HS6ST3: variants seen among roughly 807,000 people sequenced by gnomAD.
The protein encoded by HS6ST3 is heparan sulfate 6-O-sulfotransferase 3.
Under a neutral mutation model 36.7 loss-of-function variants are expected in HS6ST3, and 12 were observed. The observed-to-expected ratio is 0.33, with a 90% CI of 0.21 to 0.53. The LOEUF (loss-of-function observed/expected upper bound fraction) is 0.53. Ranked by LOEUF, HS6ST3 falls within the 20% of genes least tolerant of loss-of-function variation. HS6ST3 has a pLI of 0.95. For synonymous variants in HS6ST3, 240 were observed against 257.5 expected (o/e 0.93, Z 0.65); for missense variants, 584 against 640.9 (o/e 0.91, Z 0.96).
intron 1 of HS6ST3, among the ~76,000 whole-genome samples, chr13:96,331,554 G>A (rs1361588493): frequency 1.3e-5 from 2 of 151,840 alleles, no homozygotes; most frequent in Admixed American, 6.6e-5. Flanking sequence ...ATCTCCAGCT[G>A]CGTGCTGGGA....
In HS6ST3 at chr13:96,666,774, A is replaced by G. The variant is rs565290319; in HGVS notation, c.708-165716A>G. 2.6e-5 allele frequency among the ~76,000 whole-genome samples: 4 copies of G among 152,272 alleles called. No individual in the cohort carries two copies. The East Asian group carries it at 7.7e-4, about 29-fold the overall frequency. On this transcript the variant is annotated intron_variant, in intron 1 of 1. Coordinates refer to ENST00000376705, the MANE Select transcript of HS6ST3 (RefSeq NM_153456.4). Reference sequence around the variant, plus strand: ...CTTCTTTATAAAATAGTTATATTTTATGCCTTCATGAAAATAACTAAATGA... The same window carrying G: ...CTTCTTTATAAAATAGTTATATTTTGTGCCTTCATGAAAATAACTAAATGA...
At chr13:96,431,724 C>A (rs1286066231) in intron 1 of HS6ST3, among the ~76,000 whole-genome samples, 1 of 152,188 alleles carries the variant, frequency 6.6e-6, no homozygotes, top group Non-Finnish European at 1.5e-5. Flanking sequence ...CCCACAAGAA[C>A]AAGCGATGGT....
chr13:96,294,013 C>T (rs752044515), intron 1 of HS6ST3, among the ~76,000 whole-genome samples: 3 of 151,872 alleles, frequency 2.0e-5, no homozygotes, highest in Non-Finnish European at 2.9e-5. Context: ...CTTAGGGAGC[C>T]GATAATAGGA....
rs1389347342 is a variant in HS6ST3, at chr13:96,658,466, A to G, written c.708-174024A>G. Among the ~76,000 whole-genome samples the G allele has an allele frequency of 4.0e-5, 6 of 149,990 alleles. No individual in the cohort carries two copies. In the East Asian group the frequency reaches 1.2e-3, roughly 30 times the overall value. On this transcript the variant is annotated intron_variant, in intron 1 of 1. Transcript: ENST00000376705. Reference sequence around the variant, plus strand: ...TGGCTAATTTTTTAATATTTTTAGTAGAGATGGGGTTTCACCATGTTGGTC... The same window carrying G: ...TGGCTAATTTTTTAATATTTTTAGTGGAGATGGGGTTTCACCATGTTGGTC...
At chr13:96,489,674 G>A (rs972604196) in intron 1 of HS6ST3, among the ~76,000 whole-genome samples, 2 of 151,982 alleles carry the variant, frequency 1.3e-5, no homozygotes, top group Non-Finnish European at 2.9e-5. Context: ...CATAATAAGA[G>A]CTAACATTTT....
chr13:96,668,267 C>T (rs934318113), intron 1 of HS6ST3, among the ~76,000 whole-genome samples: 1 of 152,074 alleles, frequency 6.6e-6, no homozygotes, highest in African/African-American at 2.4e-5. Context: ...TACTGTCTTA[C>T]AGGCAACATG....
intron 1 of HS6ST3, among the ~76,000 whole-genome samples, chr13:96,508,851 CTT>C (rs1474798922): frequency 6.6e-6 from 1 of 152,074 alleles, no homozygotes; most frequent in Non-Finnish European, 1.5e-5. Flanking sequence ...GTGCAAGTGT[CTT>C]TTTCATATAA....
At chr13:96,473,266 T>G (rs1341572432) in intron 1 of HS6ST3, among the ~76,000 whole-genome samples, 1 of 152,176 alleles carries the variant, frequency 6.6e-6, no homozygotes, top group East Asian at 1.9e-4. Context: ...TTAGGTTATT[T>G]TCTTATTGGA....
intron 1 of HS6ST3, among the ~76,000 whole-genome samples, chr13:96,598,545 A>C (rs1015278185): frequency 2.0e-5 from 3 of 152,152 alleles, no homozygotes; most frequent in Admixed American, 2.0e-4. Context: ...GACGTTACTG[A>C]GTTCATTTAT....
chr13:96,758,413 T>A (rs1267386502), intron 1 of HS6ST3, among the ~76,000 whole-genome samples: 1 of 151,946 alleles, frequency 6.6e-6, no homozygotes, highest in Admixed American at 6.6e-5. Context: ...TGTTTCTATT[T>A]TGCTGAGTTC....
At position 96,331,252 on chromosome 13, in the gene HS6ST3, T is replaced by C. The variant is rs1448152239; in HGVS notation, c.707+239683T>C. Among the ~76,000 whole-genome samples the C allele has an allele frequency of 3.9e-5, 6 of 152,288 alleles. No individual in the cohort carries two copies. In the East Asian group the frequency reaches 7.7e-4, roughly 20 times the overall value. ...CTGCGTTCCTTTGGAGGAGGAGAGG[T>C]GCTCTGCGTTTTAGAGTTTCCAGTT... is the stretch of plus-strand genomic sequence containing the variant. On this transcript the variant is annotated intron_variant, in intron 1 of 1. Transcript: ENST00000376705.
chr13:96,821,490 C>T (rs1036990919), intron 1 of HS6ST3, among the ~76,000 whole-genome samples: 2 of 152,190 alleles, frequency 1.3e-5, no homozygotes, highest in East Asian at 1.9e-4. Flanking sequence ...AAAAGTAGTA[C>T]GTGACTCAAA....
intron 1 of HS6ST3, among the ~76,000 whole-genome samples, chr13:96,670,289 T>G (rs1186519728): frequency 1.3e-5 from 2 of 152,034 alleles, no homozygotes; most frequent in East Asian, 1.9e-4. Flanking sequence ...CAAAAGCATT[T>G]TTAGTAGGTA....
chr13:96,113,771 T>A (rs1316430453), intron 1 of HS6ST3, among the ~76,000 whole-genome samples: 1 of 152,102 alleles, frequency 6.6e-6, no homozygotes, highest in Non-Finnish European at 1.5e-5. Flanking sequence ...CTCTGGAAAT[T>A]TATCCTAAGG....
intron 1 of HS6ST3, chr13:96,574,134 A>G (rs1345204829): frequency 3.7e-6 from 2 of 536,394 alleles, no homozygotes; most frequent in South Asian, 2.8e-5. Flanking sequence ...TACGTTAGCC[A>G]TTGCATTTAA....
intron 1 of HS6ST3, among the ~76,000 whole-genome samples, chr13:96,830,723 A>T (rs1878760455): frequency 6.6e-6 from 1 of 152,196 alleles, no homozygotes. Flanking sequence ...TATTGCACCA[A>T]GACATTTGTA....
intron 1 of HS6ST3, among the ~76,000 whole-genome samples, chr13:96,283,934 G>A (rs2054787592): frequency 6.6e-6 from 1 of 152,144 alleles, no homozygotes; most frequent in Non-Finnish European, 1.5e-5. Context: ...GGTACAGATG[G>A]TTCACAATGA....
chr13:96,186,675 A>G (rs1477188169), intron 1 of HS6ST3, among the ~76,000 whole-genome samples: 1 of 152,204 alleles, frequency 6.6e-6, no homozygotes, highest in African/African-American at 2.4e-5. Context: ...CTCTGTGGGC[A>G]ATTGTATAGA....
chr13:96,555,922 C>G (rs774738077), intron 1 of HS6ST3, among the ~76,000 whole-genome samples: 1 of 152,088 alleles, frequency 6.6e-6, no homozygotes, highest in African/African-American at 2.4e-5. Flanking sequence ...AAATGCTAGA[C>G]AGAGACAATA....
Sources: gnomAD v4.1 joint callset for allele counts (sites outside exome capture counted in the v4.1 genomes callset) on GRCh38, gnomAD v4.1.1 for gene constraint, MANE v1.5 for transcripts, NCBI Gene and HGNC (gene_info 2026-07-23, HGNC 2026-07-21) for gene names.